SYT2: variants seen among roughly 807,000 people sequenced by gnomAD.
SYT2 encodes the protein synaptotagmin 2, also known as synaptotagmin-2.
A neutral mutation model predicts 39.9 loss-of-function variants in SYT2; 15 were observed. The ratio of observed to expected loss-of-function variants is 0.38; its 90% CI spans 0.25 to 0.58. SYT2 has a LOEUF of 0.58. SYT2 is among the 20% of genes least tolerant of loss of function. The pLI is 0.70. For missense variants in SYT2, 389 were observed against 530.3 expected, an observed-to-expected ratio of 0.73 and a Z score of 2.62; for synonymous variants, 181 against 204.5, an observed-to-expected ratio of 0.89 and a Z score of 0.98.
At chr1:202,640,612 C>T (rs1691878336) in intron 1 of SYT2, among the ~76,000 whole-genome samples, 1 of 152,066 alleles carries the variant, frequency 6.6e-6, no homozygotes, top group South Asian at 2.1e-4. Flanking sequence ...TTTTTCATAA[C>T]CACAGAGGTG....
At chr1:202,686,551 G>A (rs114323184) in intron 1 of SYT2, among the ~76,000 whole-genome samples, 3,042 of 152,230 alleles carry the variant, frequency 0.02, 56 homozygotes, top group Non-Finnish European at 0.035. Context: ...ATAATGGGGG[G>A]TGGGGGAGCT....
At chr1:202,658,391 C>A (rs1692317094) in intron 1 of SYT2, among the ~76,000 whole-genome samples, 1 of 152,274 alleles carries the variant, frequency 6.6e-6, no homozygotes, top group Admixed American at 6.5e-5. Flanking sequence ...CAGGCCTAGC[C>A]ACCGTGTCCC....
At chr1:202,611,887 G>A (rs79668645) in intron 1 of SYT2, among the ~76,000 whole-genome samples, 1,714 of 152,184 alleles carry the variant, frequency 0.011, 36 homozygotes, top group African/African-American at 0.04. Context: ...GTCTCACTCT[G>A]TTACCCAGGC....
intron 1 of SYT2, among the ~76,000 whole-genome samples, chr1:202,692,938 G>A (rs138144687): frequency 2.0e-5 from 3 of 152,230 alleles, no homozygotes; most frequent in African/African-American, 7.2e-5. Flanking sequence ...GAAAGAGGAG[G>A]TTAATAAGGC....
chr1:202,612,996 T>C (rs949164237), intron 1 of SYT2, among the ~76,000 whole-genome samples: 4 of 151,952 alleles, frequency 2.6e-5, no homozygotes, highest in Admixed American at 6.6e-5. Context: ...TCGTTGCTAG[T>C]GTATAGCAAT....
At chr1:202,644,227 G>C (rs915022123) in intron 1 of SYT2, among the ~76,000 whole-genome samples, 1 of 152,240 alleles carries the variant, frequency 6.6e-6, no homozygotes, top group East Asian at 1.9e-4. Context: ...ACGGGTGTGG[G>C]GGAGAGGAGG....
chr1:202,605,509 A>G lies in SYT2; in HGVS notation c.178+86T>C, dbSNP rs1168423302. The stretch of plus-strand genomic sequence containing the variant: ...TAAGCATTAGGAAAGAGCCCAGCCA[A>G]TCACATCCCAGTGGTATCCCCACCC... On this transcript the variant is annotated intron_variant, in intron 2 of 8. Coordinates refer to ENST00000367268, the MANE Select transcript of SYT2 (RefSeq NM_177402.5). 32 of 1,316,504 alleles carry G rather than the reference A, an allele frequency of 2.4e-5. No individual in the cohort carries two copies. The East Asian group carries it at 6.3e-4, about 26-fold the overall frequency. The allele number at this position is 1,316,504 out of a possible 1,614,324, so 81.6% of individuals were successfully genotyped here. A position where few individuals can be genotyped will look rare whatever the true frequency, so the allele number is the denominator to read the frequency against.
intron 1 of SYT2, chr1:202,632,503 C>A: frequency 1.0e-6 from 1 of 968,134 alleles, no homozygotes; most frequent in Non-Finnish European, 1.2e-6. Context: ...TAGCCATCGC[C>A]GGATCTCTAG....
At chr1:202,681,525 C>T (rs1474367357) in intron 1 of SYT2, among the ~76,000 whole-genome samples, 1 of 152,236 alleles carries the variant, frequency 6.6e-6, no homozygotes, top group Non-Finnish European at 1.5e-5. Context: ...GCCCTTCATC[C>T]TTAGGCGGAT....
chr1:202,622,653 C>T (rs1691236614), intron 1 of SYT2, among the ~76,000 whole-genome samples: 1 of 152,214 alleles, frequency 6.6e-6, no homozygotes, highest in African/African-American at 2.4e-5. Flanking sequence ...CCTCCCTGCG[C>T]TTGTGCAGCT....
At chr1:202,700,400 T>G (rs1654082651) in intron 1 of SYT2, among the ~76,000 whole-genome samples, 1 of 152,344 alleles carries the variant, frequency 6.6e-6, no homozygotes, top group Non-Finnish European at 1.5e-5. Flanking sequence ...TGGGCTGGGC[T>G]TCACCTAGGA....
intron 1 of SYT2, among the ~76,000 whole-genome samples, chr1:202,685,328 C>A (rs1225097948): frequency 6.6e-6 from 1 of 152,090 alleles, no homozygotes; most frequent in African/African-American, 2.4e-5. Flanking sequence ...TATTCCAGGC[C>A]CCCATCCTAA....
At chr1:202,603,745 AC>A (rs983737186) in intron 3 of SYT2, among the ~76,000 whole-genome samples, 12 of 152,208 alleles carry the variant, frequency 7.9e-5, no homozygotes, top group Admixed American at 3.9e-4. Flanking sequence ...CCACATACAT[AC>A]ACATACCTGC....
rs1007279265 is a variant in SYT2 at position 202,599,677 on chromosome 1, G to A, written c.920-326C>T. Among the ~76,000 whole-genome samples, 4 of 152,244 alleles carry A rather than the reference G, an allele frequency of 2.6e-5. No individual in the cohort carries two copies. The East Asian group carries it at 7.8e-4, about 30-fold the overall frequency. On this transcript the variant is annotated intron_variant, in intron 7 of 8. Coordinates refer to ENST00000367268, the MANE Select transcript of SYT2 (RefSeq NM_177402.5). The surrounding 1 kb of genome is among the most constrained non-coding windows in gnomAD (Gnocchi z 4.4). ...AGTGGGTGGGGAGTGCTGAAGTCAG[G>A]ACACACATCTGCTGGGTCATAATCC...
rs530200833 is a variant in SYT2 at position 202,624,646 on chromosome 1, GTGTC to G, written c.-17-18861_-17-18858del. Among the ~76,000 whole-genome samples the G allele has an allele frequency of 1.6e-4, 15 of 96,152 alleles. No individual in the cohort carries two copies. The East Asian group carries it at 2.7e-3, about 17-fold the overall frequency. The allele number at this position is 96,152 out of a possible 152,430, so 63.1% of individuals were successfully genotyped here. The stretch of plus-strand genomic sequence containing the variant: ...GAGTGTGTGTATGGCATGTAGCACA[GTGTC>G]TGGTGTGTAGTAGTGTGTGTGTGGT... On this transcript the variant is annotated intron_variant, in intron 1 of 8. Transcript: ENST00000367268.
intron 1 of SYT2, among the ~76,000 whole-genome samples, chr1:202,612,606 A>T (rs765385731): frequency 6.6e-6 from 1 of 152,180 alleles, no homozygotes; most frequent in African/African-American, 2.4e-5. Context: ...GGCTCATGCA[A>T]TCCACCTGCC....
intron 1 of SYT2, among the ~76,000 whole-genome samples, chr1:202,606,550 C>T (rs2149073020): frequency 6.6e-6 from 1 of 152,316 alleles, no homozygotes; most frequent in Non-Finnish European, 1.5e-5. Flanking sequence ...GCGGTTTCTT[C>T]ACGGGCTCCC....
chr1:202,689,902 A>C, intron 1 of SYT2, among the ~76,000 whole-genome samples: 4 of 141,638 alleles, frequency 2.8e-5, no homozygotes, highest in South Asian at 2.3e-4. Flanking sequence ...CCCCCCTATC[A>C]CCCCACAGCT....
chr1:202,686,828 C>T (rs1653681438), intron 1 of SYT2, among the ~76,000 whole-genome samples: 1 of 152,142 alleles, frequency 6.6e-6, no homozygotes, highest in African/African-American at 2.4e-5. Flanking sequence ...CAAAGGGCTT[C>T]ACACTTCTGA....
Sources: allele counts gnomAD v4.1 joint callset (sites outside exome capture counted in the v4.1 genomes callset), GRCh38; gene constraint gnomAD v4.1.1; non-coding constraint Gnocchi (gnomAD v3.1); transcripts MANE v1.5; gene names NCBI Gene and HGNC (gene_info 2026-07-23, HGNC 2026-07-21).